Variants in ATG10 observed in about 807,000 individuals in gnomAD.
ATG10 encodes the protein autophagy related 10.
A neutral mutation model predicts 32.1 loss-of-function variants in ATG10; 30 were observed. That is an observed-to-expected ratio of 0.94 (90% CI 0.70 to 1.27). The LOEUF (loss-of-function observed/expected upper bound fraction) is 1.27, where lower values mean the gene tolerates loss of function less well. Among genes scored for constraint, ATG10 ranks in the 50% most tolerant of loss-of-function variants. The pLI is 0.00. For synonymous variants in ATG10, 87 were observed against 91.5 expected (o/e 0.95, Z 0.28); for missense variants, 233 against 262.3 (o/e 0.89, Z 0.77).
chr5:82,177,646 C>T (rs1046215864), intron 4 of ATG10, among the ~76,000 whole-genome samples: 1 of 152,078 alleles, frequency 6.6e-6, no homozygotes, highest in African/African-American at 2.4e-5. Context: ...CTTTTCAGAA[C>T]TTAGATACCT....
At chr5:82,141,799 TAC>T (rs1767158471) in intron 3 of ATG10, among the ~76,000 whole-genome samples, 1 of 151,744 alleles carries the variant, frequency 6.6e-6, no homozygotes, top group Admixed American at 6.6e-5. Context: ...GGGTTGCAGT[TAC>T]ACACACATAC....
chr5:82,249,581 C>T (rs2150028784), intron 5 of ATG10, among the ~76,000 whole-genome samples: 1 of 152,296 alleles, frequency 6.6e-6, no homozygotes, highest in African/African-American at 2.4e-5. Context: ...GGGTCACAGT[C>T]AATCTCTGAG....
intron 3 of ATG10, among the ~76,000 whole-genome samples, chr5:82,090,585 T>G (rs1764848831): frequency 6.6e-6 from 1 of 152,152 alleles, no homozygotes; most frequent in Non-Finnish European, 1.5e-5. Context: ...AGATTCCTGG[T>G]TGTCTAAATA....
chr5:82,070,507 A>G (rs952323981), intron 3 of ATG10, among the ~76,000 whole-genome samples: 9 of 152,160 alleles, frequency 5.9e-5, no homozygotes, highest in African/African-American at 2.2e-4. Context: ...TTAAACTCTG[A>G]AATTCTTCTC....
chr5:82,198,488 G>A (rs1744944741), intron 5 of ATG10, among the ~76,000 whole-genome samples: 1 of 152,108 alleles, frequency 6.6e-6, no homozygotes, highest in African/African-American at 2.4e-5. Context: ...TTGAACTCCT[G>A]GGCTCAAGTG....
chr5:81,975,893 G>C (rs1337672896), intron 1 of ATG10, among the ~76,000 whole-genome samples: 1 of 151,794 alleles, frequency 6.6e-6, no homozygotes, highest in African/African-American at 2.4e-5. Flanking sequence ...AAAATAAAGA[G>C]AATCAAGATC....
intron 3 of ATG10, among the ~76,000 whole-genome samples, chr5:82,064,079 A>ATT (rs1052498806): frequency 1.3e-4 from 20 of 152,250 alleles, no homozygotes; most frequent in African/African-American, 4.8e-4. Context: ...TATCAAATTT[A>ATT]GCTGTAAGTG....
intron 3 of ATG10, among the ~76,000 whole-genome samples, chr5:82,119,064 T>C (rs1007489191): frequency 2.0e-5 from 3 of 152,218 alleles, no homozygotes; most frequent in African/African-American, 7.2e-5. Context: ...TGTTAATTGA[T>C]AGTCAAATTA....
chr5:82,136,936 C>T (rs191163173), intron 3 of ATG10, among the ~76,000 whole-genome samples: 3 of 151,978 alleles, frequency 2.0e-5, no homozygotes, highest in Non-Finnish European at 4.4e-5. Context: ...CTAATCTTGT[C>T]TTCATGCTTC....
At chr5:82,227,759 G>C (rs1011855888) in intron 5 of ATG10, among the ~76,000 whole-genome samples, 7 of 152,138 alleles carry the variant, frequency 4.6e-5, no homozygotes, top group African/African-American at 1.7e-4. Flanking sequence ...CATAGATCCA[G>C]GTTCTTCAGT....
intron 5 of ATG10, among the ~76,000 whole-genome samples, chr5:82,241,602 G>A (rs1222730082): frequency 6.6e-6 from 1 of 152,014 alleles, no homozygotes; most frequent in Non-Finnish European, 1.5e-5. Context: ...TTCTGCCCTA[G>A]GGTTTTAGGA....
intron 5 of ATG10, among the ~76,000 whole-genome samples, chr5:82,249,237 A>G (rs915177709): frequency 6.6e-6 from 1 of 152,316 alleles, no homozygotes; most frequent in South Asian, 2.1e-4. Context: ...TTAAACCTGA[A>G]TACAAATATA....
intron 3 of ATG10, among the ~76,000 whole-genome samples, chr5:82,085,384 G>A (rs1764646478): frequency 6.6e-6 from 1 of 151,052 alleles, no homozygotes; most frequent in African/African-American, 2.4e-5. Flanking sequence ...ATAATAATGG[G>A]AGACTTTAAC....
intron 4 of ATG10, among the ~76,000 whole-genome samples, chr5:82,176,822 A>G (rs550262144): frequency 2.0e-5 from 3 of 152,190 alleles, no homozygotes; most frequent in East Asian, 1.9e-4. Flanking sequence ...GAATAAAACT[A>G]TTTATCACAA....
chr5:82,014,251 A>G (rs1414836707), intron 2 of ATG10, among the ~76,000 whole-genome samples: 1 of 152,154 alleles, frequency 6.6e-6, no homozygotes, highest in African/African-American at 2.4e-5. Flanking sequence ...ACTTCCAACT[A>G]TGTGGTCAAT....
At chr5:82,231,056 C>T (rs989056987) in intron 5 of ATG10, among the ~76,000 whole-genome samples, 4 of 152,110 alleles carry the variant, frequency 2.6e-5, no homozygotes, top group African/African-American at 9.7e-5. Context: ...GTGTTGCTGG[C>T]CTGAAGAGCC....
chr5:82,137,038 A>T (rs1340521681), intron 3 of ATG10, among the ~76,000 whole-genome samples: 2 of 151,770 alleles, frequency 1.3e-5, no homozygotes, highest in South Asian at 2.1e-4. Flanking sequence ...TGAAGTTCTC[A>T]TGCTGTGTTT....
intron 3 of ATG10, among the ~76,000 whole-genome samples, chr5:82,103,477 A>G (rs1765345423): frequency 1.3e-5 from 2 of 152,056 alleles, no homozygotes; most frequent in Admixed American, 1.3e-4. Flanking sequence ...GTGCCCCTCT[A>G]TCTCTTTTTC....
Position 82,058,598 on chromosome 5 carries a change from T to A in ATG10, c.212T>A (p.Met71Lys). 6.3e-7 allele frequency: 1 copy of A among 1,599,644 alleles called. No homozygotes were observed. Among genetic ancestry groups the A allele is most frequent in the South Asian group, 1.1e-5 (1 of 90,550 alleles). Residue 71 changes from methionine to lysine, a missense_variant, in exon 3 of 8, where the codon ATG becomes AAG. Coordinates refer to ENST00000282185, the MANE Select transcript of ATG10 (RefSeq NM_031482.5). Reference sequence around the variant, plus strand: ...ACCCATGGACAGACATGTCTTCCCATGGAGGTGAGTAGTTTAATGCATCAT... The same window carrying A: ...ACCCATGGACAGACATGTCTTCCCAAGGAGGTGAGTAGTTTAATGCATCAT... ...ASTHGQTCLP[M>K]EEAFELPLDD... is the part of the protein sequence containing the mutation.
Sources: allele counts gnomAD v4.1 joint callset (sites outside exome capture counted in the v4.1 genomes callset), GRCh38; gene constraint gnomAD v4.1.1; transcripts MANE v1.5; gene names NCBI Gene and HGNC (gene_info 2026-07-23, HGNC 2026-07-21).